Variants in B3GALT1 observed in about 807,000 individuals in gnomAD.
The protein encoded by B3GALT1 is UDP-Gal:betaGlcNAc beta 1,3-galactosyltransferase, polypeptide 1.
A neutral mutation model predicts 23.2 loss-of-function variants in B3GALT1; 10 were observed. The observed-to-expected ratio is 0.43, with a 90% confidence interval of 0.27 to 0.73. The LOEUF (loss-of-function observed/expected upper bound fraction) is 0.73, where lower values mean the gene tolerates loss of function less well. Among genes scored for constraint, B3GALT1 ranks in the 30% least tolerant of loss-of-function variants. The probability of loss-of-function intolerance (pLI) is 0.21; values close to 1 mark genes in which losing one functional copy is unlikely to be tolerated. For synonymous variants in B3GALT1, 156 were observed against 141.5 expected (o/e 1.10, Z -0.73); for missense variants, 299 against 405.4 (o/e 0.74, Z 2.25).
At chr2:167,552,586 T>C (rs1360941887) in intron 2 of B3GALT1, among the ~76,000 whole-genome samples, 3 of 152,152 alleles carry the variant, frequency 2.0e-5, no homozygotes, top group Admixed American at 1.3e-4. Flanking sequence ...GTTATTGTTA[T>C]TGTTACTATT....
chr2:167,659,845 A>G (rs2105471436), intron 3 of B3GALT1, among the ~76,000 whole-genome samples: 1 of 152,152 alleles, frequency 6.6e-6, no homozygotes, highest in South Asian at 2.1e-4. Context: ...CCTCGAGTGG[A>G]TAAAATAATT....
At chr2:167,429,779 T>C (rs750283481) in intron 1 of B3GALT1, among the ~76,000 whole-genome samples, 1 of 152,200 alleles carries the variant, frequency 6.6e-6, no homozygotes, top group Non-Finnish European at 1.5e-5. Flanking sequence ...ACCAACGTCA[T>C]AGGGATGTGA....
At chr2:167,782,453 G>C (rs147419432) in intron 3 of B3GALT1, among the ~76,000 whole-genome samples, 2 of 152,176 alleles carry the variant, frequency 1.3e-5, no homozygotes, top group East Asian at 3.8e-4. Context: ...AGAAATGTCA[G>C]CATCTGTCTG....
intron 3 of B3GALT1, among the ~76,000 whole-genome samples, chr2:167,785,498 G>A (rs1049093161): frequency 1.3e-5 from 2 of 152,118 alleles, no homozygotes; most frequent in African/African-American, 2.4e-5. Context: ...TCCACATACC[G>A]TTCTAATCAG....
intron 3 of B3GALT1, among the ~76,000 whole-genome samples, chr2:167,803,684 A>G (rs1688686908): frequency 6.6e-6 from 1 of 152,182 alleles, no homozygotes. Flanking sequence ...CGTACTTGGC[A>G]TCACTGGCTT....
intron 1 of B3GALT1, among the ~76,000 whole-genome samples, chr2:167,416,362 C>A (rs1010824348): frequency 3.2e-4 from 49 of 152,178 alleles, no homozygotes; most frequent in Non-Finnish European, 1.0e-4. Context: ...AGATACAAGT[C>A]GTCAACCTTA....
chr2:167,608,097 T>G (rs1055699221), intron 2 of B3GALT1, among the ~76,000 whole-genome samples: 2 of 152,214 alleles, frequency 1.3e-5, no homozygotes, highest in African/African-American at 4.8e-5. Flanking sequence ...CATGCTGATA[T>G]GTCTAACGGC....
At position 167,424,110 on chromosome 2, in the gene B3GALT1, G is replaced by C. The variant is rs182434659; in HGVS notation, c.-510-66067G>C. On this transcript the variant is annotated intron_variant, in intron 1 of 4. Coordinates refer to ENST00000392690, the MANE Select transcript of B3GALT1 (RefSeq NM_020981.4). ...ATTCAACGTCTCTAATCATTCAACC[G>C]CAATTTATTAAGCATCTAACATGCT... 3.3e-5 allele frequency among the ~76,000 whole-genome samples: 5 copies of C among 152,180 alleles called. No individual in the cohort carries two copies. The East Asian group carries it at 9.7e-4, about 29-fold the overall frequency.
intron 2 of B3GALT1, among the ~76,000 whole-genome samples, chr2:167,535,301 G>A (rs1206089475): frequency 6.6e-6 from 1 of 152,112 alleles, no homozygotes; most frequent in Admixed American, 6.6e-5. Flanking sequence ...ACTTTAGGGA[G>A]CTTATGAAAG....
intron 4 of B3GALT1, among the ~76,000 whole-genome samples, chr2:167,868,058 T>C (rs1454424960): frequency 6.6e-6 from 1 of 152,214 alleles, no homozygotes; most frequent in African/African-American, 2.4e-5. Flanking sequence ...CATGGGTGAA[T>C]GGTTGAAAAC....
chr2:167,470,964 T>G (rs1298690092), intron 1 of B3GALT1, among the ~76,000 whole-genome samples: 1 of 152,224 alleles, frequency 6.6e-6, no homozygotes, highest in Non-Finnish European at 1.5e-5. Flanking sequence ...TTCCGTGGGT[T>G]TTGGCAGCCT....
chr2:167,424,207 A>AT (rs1292465737), intron 1 of B3GALT1, among the ~76,000 whole-genome samples: 1 of 152,184 alleles, frequency 6.6e-6, no homozygotes, highest in Non-Finnish European at 1.5e-5. Context: ...AAAGGAACCA[A>AT]AGAGGTAAAG....
In B3GALT1 at chr2:167,698,569, T is replaced by C. The variant is rs1686822461; in HGVS notation, c.-352+51603T>C. 5.3e-5 allele frequency among the ~76,000 whole-genome samples: 8 copies of C among 152,148 alleles called. No homozygotes were observed. In the South Asian group the frequency reaches 1.7e-3, roughly 32 times the overall value. On this transcript the variant is annotated intron_variant, in intron 3 of 4. Transcript: ENST00000392690. ...TCACCCAACTACCAGTCCCCTGTGC[T>C]CTTTTCCACACCATATTGTCATTTC...
At chr2:167,453,216 A>C (rs915619472) in intron 1 of B3GALT1, among the ~76,000 whole-genome samples, 6 of 152,080 alleles carry the variant, frequency 3.9e-5, no homozygotes, top group African/African-American at 1.4e-4. Context: ...TATAAGATAA[A>C]TGTGCTGGCG....
At chr2:167,324,778 G>A (rs1042990840) in intron 1 of B3GALT1, among the ~76,000 whole-genome samples, 3 of 151,920 alleles carry the variant, frequency 2.0e-5, no homozygotes, top group East Asian at 3.9e-4. Context: ...GTAGTCCCCC[G>A]ACTCTGCTAT....
At chr2:167,806,243 T>A (rs1487212628) in intron 3 of B3GALT1, among the ~76,000 whole-genome samples, 1 of 152,050 alleles carries the variant, frequency 6.6e-6, no homozygotes, top group Non-Finnish European at 1.5e-5. Context: ...GATGATGGGG[T>A]TTTCTAGACA....
At chr2:167,545,270 T>C (rs953074112) in intron 2 of B3GALT1, among the ~76,000 whole-genome samples, 33 of 151,718 alleles carry the variant, frequency 2.2e-4, no homozygotes, top group African/African-American at 1.7e-4. Flanking sequence ...CTTCTGACCT[T>C]GTGATCCGCC....
At chr2:167,732,433 T>C (rs1687423695) in intron 3 of B3GALT1, among the ~76,000 whole-genome samples, 1 of 152,206 alleles carries the variant, frequency 6.6e-6, no homozygotes, top group Non-Finnish European at 1.5e-5. Flanking sequence ...CTTCAGCAGA[T>C]GGCCAGAATT....
chr2:167,842,228 A>C (rs1399275941), intron 4 of B3GALT1, among the ~76,000 whole-genome samples: 1 of 152,230 alleles, frequency 6.6e-6, no homozygotes, highest in Non-Finnish European at 1.5e-5. Context: ...CTGAGTTTAA[A>C]ATCCTAGAGA....
Sources: gnomAD v4.1 joint callset for allele counts (sites outside exome capture counted in the v4.1 genomes callset) on GRCh38, gnomAD v4.1.1 for gene constraint, MANE v1.5 for transcripts, NCBI Gene and HGNC (gene_info 2026-07-23, HGNC 2026-07-21) for gene names.